The following VRK2 variants were observed in gnomAD, a reference collection of about 807,000 sequenced individuals.
VRK2 encodes serine/threonine-protein kinase VRK2.
Under a neutral mutation model 57.6 loss-of-function variants are expected in VRK2, and 60 were observed. The ratio of observed to expected loss-of-function variants is 1.04; its 90% CI spans 0.85 to 1.29. The LOEUF (loss-of-function observed/expected upper bound fraction) is 1.29. VRK2 is among the 50% of genes most tolerant of loss of function. The pLI is 0.00. For synonymous variants in VRK2, 231 were observed against 199.2 expected (o/e 1.16, Z -1.35); for missense variants, 705 against 588.1 (o/e 1.20, Z -2.06).
chr2:57,975,076 A>T (rs1355197626), intron 1 of VRK2, among the ~76,000 whole-genome samples: 2 of 152,036 alleles, frequency 1.3e-5, no homozygotes, highest in Admixed American at 6.6e-5. Flanking sequence ...TGTTTCATGA[A>T]TTAGCTATAA....
chr2:58,011,189 A>G (rs1289620831), intron 1 of VRK2, among the ~76,000 whole-genome samples: 1 of 152,238 alleles, frequency 6.6e-6, no homozygotes, highest in East Asian at 1.9e-4. Flanking sequence ...AATTTGCATT[A>G]AGAGCAGCAA....
At chr2:58,138,545 C>T (rs1031742443) in intron 10 of VRK2, among the ~76,000 whole-genome samples, 2 of 152,106 alleles carry the variant, frequency 1.3e-5, no homozygotes, top group African/African-American at 4.8e-5. Flanking sequence ...AGGGGGAAAG[C>T]GATGATGACT....
At chr2:58,057,172 A>G (rs757542347) in intron 2 of VRK2, among the ~76,000 whole-genome samples, 1 of 152,156 alleles carries the variant, frequency 6.6e-6, no homozygotes, top group Non-Finnish European at 1.5e-5. Flanking sequence ...TTCTTAAAAA[A>G]TGATGTGTTA....
intron 11 of VRK2, among the ~76,000 whole-genome samples, chr2:58,143,045 A>C (rs1191231029): frequency 5.3e-5 from 8 of 151,898 alleles, no homozygotes; most frequent in African/African-American, 1.9e-4. Flanking sequence ...TCCAGAGTTG[A>C]ATATATTATT....
At chr2:58,144,182 T>C (rs548645272) in intron 11 of VRK2, among the ~76,000 whole-genome samples, 1 of 151,652 alleles carries the variant, frequency 6.6e-6, no homozygotes, top group Non-Finnish European at 1.5e-5. Flanking sequence ...ATAGGTGGAA[T>C]CTAAAAAAAA....
At chr2:58,022,706 T>C (rs970967296) in intron 1 of VRK2, among the ~76,000 whole-genome samples, 2 of 152,090 alleles carry the variant, frequency 1.3e-5, no homozygotes, top group African/African-American at 4.8e-5. Context: ...CTAAACTTCA[T>C]CTCTATAAAA....
At chr2:57,923,742 G>A (rs533131894) in intron 1 of VRK2, among the ~76,000 whole-genome samples, 8 of 151,604 alleles carry the variant, frequency 5.3e-5, no homozygotes, top group Middle Eastern at 3.4e-3. Flanking sequence ...TTGTGATCCC[G>A]TTTATCCCCT....
At chr2:58,046,637 G>A (rs1441861523), upstream of VRK2, 7 of 985,458 alleles carry the variant, frequency 7.1e-6, no homozygotes, top group South Asian at 4.7e-5. Context: ...GGGCGTCTCC[G>A]GGGCGTGGAC....
upstream of VRK2, among the ~76,000 whole-genome samples, chr2:58,045,776 T>G (rs1674693979): frequency 1.3e-5 from 2 of 152,254 alleles, no homozygotes; most frequent in South Asian, 4.1e-4. Flanking sequence ...TGTAGAATGC[T>G]GACGTATTAA....
chr2:58,139,568 T>G, intron 10 of VRK2, 98 bp from the exon 11 acceptor site: 1 of 1,040,556 alleles, frequency 9.6e-7, no homozygotes, highest in African/African-American at 1.6e-5. Context: ...GAGATGTAAA[T>G]GTGTAAAAGA....
chr2:58,068,231 T>C (rs990949112), intron 2 of VRK2, among the ~76,000 whole-genome samples: 3 of 152,144 alleles, frequency 2.0e-5, no homozygotes, highest in Non-Finnish European at 4.4e-5. Flanking sequence ...AATATCTTTC[T>C]TTAGAAATTC....
At chr2:58,081,867 T>TGC (rs1213570167) in intron 2 of VRK2, among the ~76,000 whole-genome samples, 5 of 133,962 alleles carry the variant, frequency 3.7e-5, no homozygotes, top group Non-Finnish European at 6.0e-5. Flanking sequence ...CGTGTGTGTG[T>TGC]GTGTGTGTGT....
chr2:58,043,411 C>G (rs1674541238), upstream of VRK2, among the ~76,000 whole-genome samples: 1 of 152,134 alleles, frequency 6.6e-6, no homozygotes, highest in Non-Finnish European at 1.5e-5. Context: ...TCTATTACCA[C>G]AGTAAAGAAA....
At chr2:57,998,775 G>C (rs934956681) in intron 1 of VRK2, among the ~76,000 whole-genome samples, 3 of 152,076 alleles carry the variant, frequency 2.0e-5, no homozygotes, top group African/African-American at 4.8e-5. Context: ...TTGAATTTAT[G>C]ATTAGTACAA....
At chr2:58,013,842 G>A (rs1005351309) in intron 1 of VRK2, among the ~76,000 whole-genome samples, 24 of 106,548 alleles carry the variant, frequency 2.3e-4, no homozygotes, top group Non-Finnish European at 3.6e-4. Flanking sequence ...CTGGGCGACA[G>A]AACGAGACTC....
intron 2 of VRK2, among the ~76,000 whole-genome samples, chr2:58,029,965 A>T (rs1674062950): frequency 6.6e-6 from 1 of 152,140 alleles, no homozygotes; most frequent in Non-Finnish European, 1.5e-5. Context: ...GAGGCTAGTT[A>T]TTTAAATTAA....
chr2:57,950,972 G>C (rs959700507), intron 1 of VRK2, among the ~76,000 whole-genome samples: 7 of 151,984 alleles, frequency 4.6e-5, no homozygotes, highest in African/African-American at 1.7e-4. Flanking sequence ...TGTGCCTGTA[G>C]TCCCAGCTAC....
intron 12 of VRK2, among the ~76,000 whole-genome samples, chr2:58,155,580 G>A (rs1032459959): frequency 2.0e-5 from 3 of 152,106 alleles, no homozygotes; most frequent in African/African-American, 7.2e-5. Flanking sequence ...CTAACACCCA[G>A]TGGGATAGGG....
At chr2:58,137,076 TAA>T (rs1491218424) in intron 10 of VRK2, among the ~76,000 whole-genome samples, 4 of 112,686 alleles carry the variant, frequency 3.5e-5, no homozygotes, top group African/African-American at 1.5e-4. Flanking sequence ...ATATCATATA[TAA>T]CATATATATG....
Sources: gnomAD v4.1 joint callset for allele counts (sites outside exome capture counted in the v4.1 genomes callset) on GRCh38, gnomAD v4.1.1 for gene constraint, MANE v1.5 for transcripts, NCBI Gene and HGNC (gene_info 2026-07-23, HGNC 2026-07-21) for gene names.